Variants in FAM219A observed in about 807,000 individuals in gnomAD.
The protein encoded by FAM219A is family with sequence similarity 219 member A.
Under a neutral mutation model 23.4 loss-of-function variants are expected in FAM219A, and 7 were observed. The ratio of observed to expected loss-of-function variants is 0.30; its 90% CI spans 0.17 to 0.56. The LOEUF (loss-of-function observed/expected upper bound fraction) is 0.56. Among genes scored for constraint, FAM219A ranks in the 20% least tolerant of loss-of-function variants. FAM219A has a pLI of 0.92. For synonymous variants in FAM219A, 93 were observed against 99.0 expected, an observed-to-expected ratio of 0.94 and a Z score of 0.36; for missense variants, 166 against 246.9, an observed-to-expected ratio of 0.67 and a Z score of 2.20.
At position 34,432,426 on chromosome 9, in the gene FAM219A, G is replaced by A. The variant is rs987721836; in HGVS notation, c.60+25778C>T. 5.3e-5 allele frequency among the ~76,000 whole-genome samples: 8 copies of A among 152,260 alleles called. No individual in the cohort carries two copies. In the South Asian group the frequency reaches 1.5e-3, roughly 28 times the overall value. ...CTCAGGTGATCTTCTACCACCTTGG[G>A]CATCACTGGACAGTGCTGACCACAT... On this transcript the variant is annotated intron_variant, in intron 1 of 5. Coordinates refer to ENST00000651358, the MANE Select transcript of FAM219A (RefSeq NM_001184940.2).
chr9:34,421,295 G>A (rs1159300461), intron 1 of FAM219A, among the ~76,000 whole-genome samples: 1 of 152,074 alleles, frequency 6.6e-6, no homozygotes, highest in Non-Finnish European at 1.5e-5. Flanking sequence ...GTGCCAGCTG[G>A]GGGTACAGAG....
At chr9:34,451,100 G>A (rs1214667812) in intron 1 of FAM219A, among the ~76,000 whole-genome samples, 1 of 152,096 alleles carries the variant, frequency 6.6e-6, no homozygotes, top group African/African-American at 2.4e-5. Context: ...TAAAGCCTAG[G>A]AGGAAACTCC....
chr9:34,410,042 A>G (rs1396717170), intron 1 of FAM219A, among the ~76,000 whole-genome samples: 1 of 152,216 alleles, frequency 6.6e-6, no homozygotes, highest in African/African-American at 2.4e-5. Flanking sequence ...CGAGAGGGGA[A>G]GTGTCTTACC....
Position 34,458,398 on chromosome 9 carries a change from G to C in FAM219A, c.-135C>G, listed in dbSNP as rs1055996831. 9.9e-6 allele frequency: 5 copies of C among 505,890 alleles called. No individual in the cohort carries two copies. Among genetic ancestry groups the C allele is most frequent in the Non-Finnish European group, 1.5e-5 (5 of 343,270 alleles). 31.3% of individuals were successfully genotyped at this position (505,890 alleles called of 1,614,324 possible). On this transcript the variant is annotated 5_prime_UTR_variant, in exon 1 of 6. Transcript: ENST00000651358. The surrounding 1 kb of genome is among the most constrained non-coding windows in gnomAD (Gnocchi z 6.6). ...CGGACCACTCGGGCGGGCAGGGGCC[G>C]GGCGGATGCAGGGGTGGGCGGGGGC...
At chr9:34,422,789 G>C (rs960254849) in intron 1 of FAM219A, among the ~76,000 whole-genome samples, 1 of 152,160 alleles carries the variant, frequency 6.6e-6, no homozygotes, top group African/African-American at 2.4e-5. Context: ...GAGATGAAAG[G>C]GGCCTTAGCC....
Position 34,417,299 on chromosome 9 carries a change from G to A in FAM219A, c.61-11335C>T, listed in dbSNP as rs563105671. ...TGGCCTCAAGTGATCCTCCTGCCTC[G>A]GCCTCCCAAAGTGCTGGGATTACAG... On this transcript the variant is annotated intron_variant, in intron 1 of 5. Transcript: ENST00000651358. This position sits in a 1 kb window ranked among gnomAD's most constrained non-coding sequence, Gnocchi z 4.1. 2.6e-5 allele frequency among the ~76,000 whole-genome samples: 4 copies of A among 152,114 alleles called. No homozygotes were observed. Among genetic ancestry groups the A allele is most frequent in the Admixed American group, 6.5e-5 (1 of 15,274 alleles).
intron 1 of FAM219A, among the ~76,000 whole-genome samples, chr9:34,448,993 G>GAAA (rs577911130): frequency 0.039 from 4,242 of 109,966 alleles, 230 homozygotes; most frequent in African/African-American, 0.15. Context: ...AAAAACTATC[G>GAAA]GAAAAAAAAA....
chr9:34,458,125 TC>T lies in FAM219A; in HGVS notation c.60+78del, dbSNP rs894919542. The T allele has an allele frequency of 1.6e-5, 21 of 1,343,080 alleles. No homozygotes were observed. The highest frequency in any genetic ancestry group is 7.5e-5 in the African/African-American group (5 of 66,678). The allele number at this position is 1,343,080 out of a possible 1,614,324, so 83.2% of individuals were successfully genotyped here. A position where few individuals can be genotyped will look rare whatever the true frequency, so the allele number is the denominator to read the frequency against. ...CATCCGATGGCGCCCCTCCGCACGA[TC>T]CCCCCGGCCTGATTCCCTCCCTCCC... On this transcript the variant is annotated intron_variant, in intron 1 of 5. Coordinates refer to ENST00000651358, the MANE Select transcript of FAM219A (RefSeq NM_001184940.2). This position sits in a 1 kb window ranked among gnomAD's most constrained non-coding sequence, Gnocchi z 6.6.
Position 34,405,878 on chromosome 9 carries a change from G to A in FAM219A, c.147C>T (p.Leu49=), listed in dbSNP as rs1563998592. 6.2e-7 allele frequency: 1 copy of A among 1,613,990 alleles called. No individual in the cohort carries two copies. Among genetic ancestry groups the A allele is most frequent in the Non-Finnish European group, 8.5e-7 (1 of 1,179,944 alleles). Residue 49 remains leucine (L), a synonymous_variant, in exon 2 of 6, where the codon CTC becomes CTT. Transcript: ENST00000651358. Reference sequence around the variant, plus strand: ...AGACACACTCACCCAGCTTCACTTGGAGCGGGGATGGTTTGTAATTCATGG... The same window carrying A: ...AGACACACTCACCCAGCTTCACTTGAAGCGGGGATGGTTTGTAATTCATGG... ...SVAMNYKPSP[L]QVKLEKQREL...
chr9:34,418,720 T>C (rs940065429), intron 1 of FAM219A, among the ~76,000 whole-genome samples: 4 of 152,196 alleles, frequency 2.6e-5, no homozygotes, highest in Admixed American at 2.6e-4. Flanking sequence ...GGAAAGATCA[T>C]CTAATTTAAT....
At chr9:34,454,422 C>T (rs964555297) in intron 1 of FAM219A, among the ~76,000 whole-genome samples, 4 of 152,064 alleles carry the variant, frequency 2.6e-5, no homozygotes, top group East Asian at 3.9e-4. Context: ...GGCAACAGAG[C>T]GAGACTCCGT....
chr9:34,452,003 C>T (rs533566603), intron 1 of FAM219A, among the ~76,000 whole-genome samples: 3 of 152,220 alleles, frequency 2.0e-5, no homozygotes, highest in South Asian at 2.1e-4. Context: ...TTGACTAGAA[C>T]GATGGTAAAA....
At chr9:34,421,005 T>TGAGAGAGAGAGA (rs1413300702) in intron 1 of FAM219A, among the ~76,000 whole-genome samples, 51 of 41,490 alleles carry the variant, frequency 1.2e-3, no homozygotes, top group African/African-American at 2.4e-3. Flanking sequence ...TGTGTGTGTG[T>TGAGAGAGAGAGA]GTGTGAGAGA....
Position 34,405,953 on chromosome 9 carries a change from G to A in FAM219A, c.72C>T (p.Ala24=), listed in dbSNP as rs1421715992. 11 of 1,611,648 alleles carry A rather than the reference G, an allele frequency of 6.8e-6. No individual in the cohort carries two copies. Among genetic ancestry groups the A allele is most frequent in the East Asian group, 4.5e-5 (2 of 44,830 alleles). The stretch of plus-strand genomic sequence containing the variant: ...CACAGTCTCCGTCAGAGATGGAGGC[G>A]GCGGCTGGGTCCTGTGGGGAGAAAG... ...HSEMQPLDPA[A]ASISDGDCDA... Residue 24 remains alanine (A), a synonymous_variant, in exon 2 of 6, where the codon GCC becomes GCT. Transcript: ENST00000651358.
At chr9:34,403,986 G>A (rs1055465640) in intron 2 of FAM219A, among the ~76,000 whole-genome samples, 1 of 152,184 alleles carries the variant, frequency 6.6e-6, no homozygotes, top group African/African-American at 2.4e-5. Context: ...TCTAGGGGGT[G>A]CAATTTGCCT....
At chr9:34,431,947 T>C (rs997231595) in intron 1 of FAM219A, among the ~76,000 whole-genome samples, 2 of 152,192 alleles carry the variant, frequency 1.3e-5, no homozygotes, top group East Asian at 1.9e-4. Context: ...CTTAAAAGCA[T>C]TGGTTTTAGA....
chr9:34,414,260 C>T (rs1205719652), intron 1 of FAM219A, among the ~76,000 whole-genome samples: 8 of 152,222 alleles, frequency 5.3e-5, no homozygotes, highest in Non-Finnish European at 4.4e-5. Flanking sequence ...ACAGCTCTTA[C>T]TCTGCAGTAT....
chr9:34,448,061 G>A (rs1564018258), intron 1 of FAM219A, among the ~76,000 whole-genome samples: 1 of 151,736 alleles, frequency 6.6e-6, no homozygotes, highest in Admixed American at 6.6e-5. Context: ...TGTAGAGACA[G>A]GGTCTCACTA....
chr9:34,410,612 C>T (rs1377453415), intron 1 of FAM219A, among the ~76,000 whole-genome samples: 11 of 152,142 alleles, frequency 7.2e-5, no homozygotes, highest in Admixed American at 7.2e-4. Context: ...TGATTGCCTC[C>T]CCAACATTCA....
Sources: allele counts gnomAD v4.1 joint callset (sites outside exome capture counted in the v4.1 genomes callset), GRCh38; gene constraint gnomAD v4.1.1; non-coding constraint Gnocchi (gnomAD v3.1); transcripts MANE v1.5; gene names NCBI Gene and HGNC (gene_info 2026-07-23, HGNC 2026-07-21).